The following POR variants were observed in gnomAD, a reference collection of about 807,000 sequenced individuals.
POR encodes the protein cytochrome p450 oxidoreductase.
POR carries 56 observed loss-of-function variants against 84.0 expected under a neutral mutation model. The ratio of observed to expected loss-of-function variants is 0.67; its 90% CI spans 0.54 to 0.83. The LOEUF is 0.83. Among genes scored for constraint, POR ranks in the 40% least tolerant of loss-of-function variants. The pLI is 0.00. For missense variants in POR, 938 were observed against 944.3 expected (o/e 0.99, Z 0.09); for synonymous variants, 414 against 400.5 (o/e 1.03, Z -0.40).
chr7:75,927,631 T>TCATCATTTGAAGTA (rs1807195687), intron 1 of POR, among the ~76,000 whole-genome samples: 1 of 152,064 alleles, frequency 6.6e-6, no homozygotes, highest in African/African-American at 2.4e-5. Context: ...ATTTTATACT[T>TCATCATTTGAAGTA]TAAAATGATG....
In POR at chr7:75,931,670, G is replaced by A. The variant is rs116356304; in HGVS notation, c.-5+16491G>A. Among the ~76,000 whole-genome samples, 400 of 152,042 alleles carry A rather than the reference G, an allele frequency of 2.6e-3. 2 individuals are homozygous for A. The highest frequency in any genetic ancestry group is 8.9e-3 in the African/African-American group (371 of 41,488). The stretch of plus-strand genomic sequence containing the variant: ...AGGTGTGAGCCTCCGCACCTGGCCT[G>A]TTTTTCCTTTTAAAGCCGTGACTCT... On this transcript the variant is annotated intron_variant, in intron 1 of 15. Transcript: ENST00000461988.
rs782805067 is a variant in POR, at chr7:75,985,709, C to G, written c.1529C>G (p.Ala510Gly). The stretch of plus-strand genomic sequence containing the variant: ...CCTGCCGGGGAGAACGGCGGCCGTG[C>G]GCTGGTGCCCATGTTCGTGCGCAAG... The change falls in exon 13 of 16, where the codon GCG (alanine) becomes GGG (glycine). Residue 510 changes from alanine to glycine, a missense_variant. Coordinates refer to ENST00000461988, the MANE Select transcript of POR (RefSeq NM_000941.3). 3 of 1,586,570 alleles carry G rather than the reference C, an allele frequency of 1.9e-6. No homozygotes were observed. The highest frequency in any genetic ancestry group is 2.6e-6 in the Non-Finnish European group (3 of 1,168,358).
chr7:75,973,030 C>G (rs1585121527), intron 3 of POR, among the ~76,000 whole-genome samples: 2 of 152,146 alleles, frequency 1.3e-5, no homozygotes, highest in East Asian at 3.9e-4. Flanking sequence ...ACCATGTTGG[C>G]CAGACTGGTC....
intron 8 of POR, chr7:75,983,292 G>C (rs1291062659): frequency 2.1e-6 from 1 of 487,452 alleles, no homozygotes; most frequent in Admixed American, 3.6e-5. Context: ...AGTGAGCCGA[G>C]ATCGCGCCGC....
At chr7:75,985,283 C>T in intron 12 of POR, 76 bp downstream of exon 12, 1 of 1,451,626 alleles carries the variant, frequency 6.9e-7, no homozygotes, top group Non-Finnish European at 9.1e-7. Flanking sequence ...TGCAAGGCGG[C>T]ACAGGAGCTC....
At chr7:75,919,785 G>T (rs1344494326) in intron 1 of POR, among the ~76,000 whole-genome samples, 1 of 152,108 alleles carries the variant, frequency 6.6e-6, no homozygotes, top group Non-Finnish European at 1.5e-5. Context: ...GATCCTTCTG[G>T]TGGCTTGTGC....
rs1554559244 is a variant in POR, at chr7:75,985,916, C to A, written c.1670-7C>A. On this transcript the variant is annotated splice_polypyrimidine_tract_variant and splice_region_variant and intron_variant, in intron 13 of 15. Transcript: ENST00000461988. ...GCCCCGCGCTCACCCCGGCCCCTGC[C>A]ACGCAGGCAAGGAGGTGGGGGAGAC... is the stretch of plus-strand genomic sequence containing the variant. 4 of 1,577,268 alleles carry A rather than the reference C, an allele frequency of 2.5e-6. No individual in the cohort carries two copies. Among genetic ancestry groups the A allele is most frequent in the Admixed American group, 3.6e-5 (2 of 55,524 alleles).
chr7:75,919,379 G>A (rs981694695), intron 1 of POR, among the ~76,000 whole-genome samples: 7 of 144,620 alleles, frequency 4.8e-5, no homozygotes, highest in South Asian at 2.2e-4. Context: ...GCATCTGTGC[G>A]TGCGTGTGTG....
At chr7:75,969,225 G>T (rs2116513586) in intron 2 of POR, among the ~76,000 whole-genome samples, 1 of 152,306 alleles carries the variant, frequency 6.6e-6, no homozygotes, top group South Asian at 2.1e-4. Flanking sequence ...TTTCTACTGG[G>T]TGTTAACCAA....
intron 1 of POR, chr7:75,923,350 A>T (rs577505480): frequency 1.2e-6 from 1 of 838,850 alleles, no homozygotes; most frequent in Non-Finnish European, 2.0e-6. Context: ...GTGGACTGTC[A>T]TGCTACCAAA....
intron 1 of POR, among the ~76,000 whole-genome samples, chr7:75,927,761 C>T (rs1554549703): frequency 6.6e-6 from 1 of 150,540 alleles, no homozygotes; most frequent in Non-Finnish European, 1.5e-5. Flanking sequence ...ACCTCTGCCT[C>T]CCGGGTTCCA....
At chr7:75,971,923 C>T (rs28421886) in intron 2 of POR, among the ~76,000 whole-genome samples, 3 of 151,908 alleles carry the variant, frequency 2.0e-5, no homozygotes, top group Admixed American at 6.6e-5. Flanking sequence ...CTCATGTGCC[C>T]GGATCCCATG....
Position 75,938,903 on chromosome 7 carries a change from A to C in POR, c.-4-15086A>C, listed in dbSNP as rs1274852130. ...GCTTCCTCTATCGGTAGCTTCGCTC[A>C]TCCCCCTAATCTGACTGGTGGACCC... is the stretch of plus-strand genomic sequence containing the variant. On this transcript the variant is annotated intron_variant, in intron 1 of 15. Coordinates refer to ENST00000461988, the MANE Select transcript of POR (RefSeq NM_000941.3). Among the ~76,000 whole-genome samples the C allele has an allele frequency of 2.0e-5, 3 of 152,166 alleles. 1 individual carries two copies. Among genetic ancestry groups the C allele is most frequent in the East Asian group, 3.9e-4 (2 of 5,192 alleles).
chr7:75,986,106 C>A (rs569760907), intron 14 of POR, 38 bp downstream of exon 14: 2 of 1,577,434 alleles, frequency 1.3e-6, no homozygotes, highest in Admixed American at 1.8e-5. Context: ...GGGCATGAGG[C>A]TGGCAGGGCC....
intron 1 of POR, chr7:75,915,532 C>T (rs1806513476): frequency 6.6e-6 from 1 of 152,346 alleles, no homozygotes; most frequent in South Asian, 2.1e-4. Flanking sequence ...GGCTAAGCCA[C>T]TTTAACTCTC....
At chr7:75,956,215 C>T (rs1197242854) in intron 2 of POR, among the ~76,000 whole-genome samples, 4 of 152,168 alleles carry the variant, frequency 2.6e-5, no homozygotes, top group African/African-American at 9.7e-5. Flanking sequence ...AGAAGAATCG[C>T]TTGAACCCAG....
At chr7:75,981,809 C>T (rs1275516435) in intron 7 of POR, 1 of 593,344 alleles carries the variant, frequency 1.7e-6, no homozygotes, top group East Asian at 2.8e-5. Flanking sequence ...GTGCATCCCA[C>T]CTCTCGACAA....
At chr7:75,946,140 A>C (rs1787162712) in intron 1 of POR, among the ~76,000 whole-genome samples, 2 of 151,498 alleles carry the variant, frequency 1.3e-5, no homozygotes, top group Admixed American at 1.3e-4. Flanking sequence ...TGGTCAAGCT[A>C]TACATGCATA....
At chr7:75,940,506 CG>C in intron 1 of POR, among the ~76,000 whole-genome samples, 1 of 144,836 alleles carries the variant, frequency 6.9e-6, no homozygotes, top group South Asian at 2.3e-4. Flanking sequence ...CTCTCGTGGC[CG>C]GGTGCAGTGG....
Sources: gnomAD v4.1 joint callset for allele counts (sites outside exome capture counted in the v4.1 genomes callset) on GRCh38, gnomAD v4.1.1 for gene constraint, MANE v1.5 for transcripts, NCBI Gene and HGNC (gene_info 2026-07-23, HGNC 2026-07-21) for gene names.